The following CC2D2A variants were observed in gnomAD, a reference collection of about 807,000 sequenced individuals.
CC2D2A encodes the protein coiled-coil and C2 domain containing 2A.
A neutral mutation model predicts 212.9 loss-of-function variants in CC2D2A; 155 were observed. The ratio of observed to expected loss-of-function variants is 0.73; its 90% CI spans 0.64 to 0.83. CC2D2A has a LOEUF of 0.83. CC2D2A is among the 40% of genes least tolerant of loss of function. The probability of loss-of-function intolerance (pLI) is 0.00; values close to 1 mark genes in which losing one functional copy is unlikely to be tolerated. For synonymous variants in CC2D2A, 667 were observed against 686.5 expected, an observed-to-expected ratio of 0.97 and a Z score of 0.44; for missense variants, 1,856 against 1,956.2, an observed-to-expected ratio of 0.95 and a Z score of 0.97.
rs774490154 is a variant in CC2D2A at position 15,553,252 on chromosome 4, A to T, written c.2433A>T (p.Glu811Asp). 6.2e-7 allele frequency: 1 copy of T among 1,613,472 alleles called. No individual in the cohort carries two copies. Among genetic ancestry groups the T allele is most frequent in the Non-Finnish European group, 8.5e-7 (1 of 1,179,690 alleles). ...VSHSVAWAIG[E>D]NGIPLIPPLS... ...ATAGTGTGGCATGGGCCATTGGAGA[A>T]AACGGGATACCTTTAATTCCTCCAT... The change falls in exon 19 of 37, where the codon GAA (glutamate) becomes GAT (aspartate). Residue 811 changes from glutamate (E) to aspartate (D), a missense_variant. Physicochemically the swap from Glu to Asp is conservative, Grantham distance 45 (BLOSUM62 2). Coordinates refer to ENST00000424120, the MANE Select transcript of CC2D2A (RefSeq NM_001378615.1).
intron 4 of CC2D2A, among the ~76,000 whole-genome samples, chr4:15,489,606 C>A (rs1055859848): frequency 6.6e-6 from 1 of 152,168 alleles, no homozygotes; most frequent in African/African-American, 2.4e-5. Flanking sequence ...AAAAATAAAA[C>A]TTCTTTACAG....
At chr4:15,564,064 A>C (rs1190913580) in intron 24 of CC2D2A, 1 of 155,176 alleles carries the variant, frequency 6.4e-6, no homozygotes, top group Non-Finnish European at 1.4e-5. Context: ...TGTCTGTCCA[A>C]GGTTCTGAAA....
At chr4:15,593,130 T>TCA (rs1194068149) in intron 33 of CC2D2A, among the ~76,000 whole-genome samples, 1 of 152,230 alleles carries the variant, frequency 6.6e-6, no homozygotes, top group Non-Finnish European at 1.5e-5. Flanking sequence ...TAAGCTTTCA[T>TCA]CACTTTCTGG....
chr4:15,522,718 T>G (rs1010450941), intron 11 of CC2D2A, among the ~76,000 whole-genome samples: 4 of 152,126 alleles, frequency 2.6e-5, no homozygotes, highest in Non-Finnish European at 4.4e-5. Context: ...TAAGAAGTAA[T>G]TAGTGCAAAA....
chr4:15,479,476 C>T, intron 3 of CC2D2A: 1 of 691,708 alleles, frequency 1.4e-6, no homozygotes, highest in Non-Finnish European at 2.5e-6. Flanking sequence ...CGTGAAGGGG[C>T]TGCAGAGAGG....
chr4:15,539,425 A>G (rs761962625), intron 16 of CC2D2A, among the ~76,000 whole-genome samples: 6 of 152,248 alleles, frequency 3.9e-5, no homozygotes, highest in Non-Finnish European at 8.8e-5. Flanking sequence ...CCCAACGTGA[A>G]AAATGAGAAT....
chr4:15,512,268 T>A (rs1377965795), intron 8 of CC2D2A, among the ~76,000 whole-genome samples: 2 of 152,194 alleles, frequency 1.3e-5, no homozygotes, highest in Non-Finnish European at 2.9e-5. Flanking sequence ...GCACCGATGT[T>A]CATAGCAGCA....
chr4:15,518,432 A>AT (rs770708143), intron 11 of CC2D2A, among the ~76,000 whole-genome samples: 1 of 152,092 alleles, frequency 6.6e-6, no homozygotes, highest in Non-Finnish European at 1.5e-5. Flanking sequence ...GCTGGTGTTG[A>AT]GTGTCTGCAG....
At chr4:15,488,010 C>A (rs1272799035) in intron 4 of CC2D2A, among the ~76,000 whole-genome samples, 1 of 151,962 alleles carries the variant, frequency 6.6e-6, no homozygotes, top group Non-Finnish European at 1.5e-5. Context: ...TTTGTACTGT[C>A]TATCTCTTGA....
chr4:15,553,352 T>C (rs1025706967), intron 19 of CC2D2A, 47 bp downstream of exon 19: 2 of 1,584,188 alleles, frequency 1.3e-6, no homozygotes, highest in African/African-American at 1.4e-5. Context: ...AGTGTTATCA[T>C]TAAAGATACC....
At chr4:15,480,902 T>A (rs1714598466) in intron 4 of CC2D2A, 75 bp downstream of exon 4, 1 of 1,514,034 alleles carries the variant, frequency 6.6e-7, no homozygotes, top group Non-Finnish European at 8.9e-7. Flanking sequence ...AGTATAGGGA[T>A]TTTTTATGGG....
chr4:15,553,890 G>C (rs748720201), intron 19 of CC2D2A, among the ~76,000 whole-genome samples: 5 of 152,182 alleles, frequency 3.3e-5, no homozygotes, highest in African/African-American at 7.2e-5. Context: ...TTCCCCAGTA[G>C]ATGTGTCTAC....
At chr4:15,595,354 G>C (rs1721272860) in intron 33 of CC2D2A, among the ~76,000 whole-genome samples, 1 of 152,174 alleles carries the variant, frequency 6.6e-6, no homozygotes, top group African/African-American at 2.4e-5. Flanking sequence ...CAGGACAAAA[G>C]TCTAACAGCC....
intron 1 of CC2D2A, among the ~76,000 whole-genome samples, chr4:15,471,584 T>C (rs1713822955): frequency 6.6e-6 from 1 of 151,742 alleles, no homozygotes; most frequent in African/African-American, 2.4e-5. Context: ...CCCTTATAAA[T>C]TAATCATCCT....
chr4:15,474,980 A>G (rs373668592), intron 1 of CC2D2A, among the ~76,000 whole-genome samples: 58 of 152,352 alleles, frequency 3.8e-4, no homozygotes, highest in African/African-American at 1.3e-3. Context: ...TAAAGTTAAG[A>G]GAGGGCTTTT....
At chr4:15,583,178 A>G (rs1720722874) in intron 30 of CC2D2A, among the ~76,000 whole-genome samples, 1 of 152,204 alleles carries the variant, frequency 6.6e-6, no homozygotes, top group Admixed American at 6.5e-5. Flanking sequence ...GTATAGAAGG[A>G]ACATATTTCA....
chr4:15,533,473 T>C, intron 14 of CC2D2A, 140 bp downstream of exon 14: 1 of 538,598 alleles, frequency 1.9e-6, no homozygotes, highest in African/African-American at 2.0e-5. Context: ...GAACATTGCA[T>C]ACCTGAGCAG....
At position 15,547,551 on chromosome 4, in the gene CC2D2A, G is replaced by A. The variant is rs184313068; in HGVS notation, c.2182-3273G>A. The stretch of plus-strand genomic sequence containing the variant: ...TTAGGCTCCCACATATGAGTGAGAG[G>A]CCAGGGGTGCTGCTAAGCATCCTAC... On this transcript the variant is annotated intron_variant, in intron 17 of 36. Transcript: ENST00000424120. Among the ~76,000 whole-genome samples, 11 of 152,140 alleles carry A rather than the reference G, an allele frequency of 7.2e-5. No homozygotes were observed. In the East Asian group the frequency reaches 1.9e-3, roughly 27 times the overall value.
At chr4:15,565,714 T>A (rs1719850192) in intron 24 of CC2D2A, among the ~76,000 whole-genome samples, 1 of 152,248 alleles carries the variant, frequency 6.6e-6, no homozygotes, top group African/African-American at 2.4e-5. Context: ...GCTCAAGAGA[T>A]CCTCCTCCCT....
Sources: gnomAD v4.1 joint callset for allele counts (sites outside exome capture counted in the v4.1 genomes callset) on GRCh38, gnomAD v4.1.1 for gene constraint, MANE v1.5 for transcripts, NCBI Gene and HGNC (gene_info 2026-07-23, HGNC 2026-07-21) for gene names.